NUGGC: variants seen among roughly 807,000 people sequenced by gnomAD.
NUGGC encodes nuclear GTPase SLIP-GC.
In NUGGC, 58 loss-of-function variants were observed where a neutral mutation model predicts 92.6. The ratio of observed to expected loss-of-function variants is 0.63; its 90% CI spans 0.51 to 0.78. The LOEUF (loss-of-function observed/expected upper bound fraction) is 0.78. Ranked by LOEUF, NUGGC falls within the 30% of genes least tolerant of loss-of-function variation. The pLI is 0.00. For synonymous variants in NUGGC, 376 were observed against 366.4 expected (o/e 1.03, Z -0.30); for missense variants, 925 against 964.6 (o/e 0.96, Z 0.54).
Position 28,061,142 on chromosome 8 carries a change from T to C in NUGGC, c.922-541A>G, listed in dbSNP as rs1037350486. Among the ~76,000 whole-genome samples the C allele has an allele frequency of 3.3e-5, 5 of 152,222 alleles. No homozygotes were observed. In the East Asian group the frequency reaches 5.8e-4, roughly 18 times the overall value. ...TTGTCCCCTGGGGAAAATTCTTGTTTTTCCAGAACTAGGTTTGGTGGTGCA... is the reference window on the plus strand; with the variant it reads ...TTGTCCCCTGGGGAAAATTCTTGTTCTTCCAGAACTAGGTTTGGTGGTGCA... On this transcript the variant is annotated intron_variant, in intron 7 of 18. Coordinates refer to ENST00000413272, the MANE Select transcript of NUGGC (RefSeq NM_001010906.2).
intron 2 of NUGGC, among the ~76,000 whole-genome samples, chr8:28,072,813 G>A (rs1465344077): frequency 6.6e-6 from 1 of 151,624 alleles, no homozygotes; most frequent in Non-Finnish European, 1.5e-5. Context: ...TATTATTCTT[G>A]TCCATCGCTC....
At chr8:28,040,887 C>A (rs148164810) in intron 13 of NUGGC, among the ~76,000 whole-genome samples, 164 bp downstream of exon 13, 3,494 of 152,232 alleles carry the variant, frequency 0.023, 124 homozygotes, top group African/African-American at 0.08. Flanking sequence ...CCTTGTGATC[C>A]GCCCACCTCG....
At chr8:28,049,223 G>A (rs1182786082) in intron 10 of NUGGC, among the ~76,000 whole-genome samples, 1 of 152,174 alleles carries the variant, frequency 6.6e-6, no homozygotes, top group Non-Finnish European at 1.5e-5. Context: ...TATCTGTGCA[G>A]ACTGCCAGAA....
Position 28,045,568 on chromosome 8 carries a change from A to T in NUGGC, c.1405T>A (p.Leu469Met). The T allele has an allele frequency of 6.2e-7, 1 of 1,612,924 alleles. No homozygotes were observed. The highest frequency in any genetic ancestry group is 8.5e-7 in the Non-Finnish European group (1 of 1,179,778). ...TKYVTEAFGL[L>M]LLTDSFNSTQ... ...GAGTTGAAACTATCTGTGAGGAGCA[A>T]CAGGCCAAAGGCTTCAGTCACATAC... Residue 469 changes from leucine to methionine, a missense_variant, in exon 12 of 19, where the codon TTG becomes ATG. Leu to Met is a conservative substitution (Grantham distance 15). Transcript: ENST00000413272.
chr8:28,081,345 CG>C (rs1810845053), intron 1 of NUGGC, among the ~76,000 whole-genome samples: 1 of 139,642 alleles, frequency 7.2e-6, no homozygotes, highest in Non-Finnish European at 1.6e-5. Flanking sequence ...AAAAAGAGTT[CG>C]TTGTGAGAAT....
intron 11 of NUGGC, among the ~76,000 whole-genome samples, chr8:28,046,997 T>G (rs544967483): frequency 6.6e-6 from 1 of 151,038 alleles, no homozygotes; most frequent in African/African-American, 2.4e-5. Context: ...TGAGACAGAG[T>G]TTCACTCTTG....
At chr8:28,073,837 C>T (rs889031599) in intron 2 of NUGGC, among the ~76,000 whole-genome samples, 1 of 152,104 alleles carries the variant, frequency 6.6e-6, no homozygotes, top group Non-Finnish European at 1.5e-5. Flanking sequence ...CTCACTCTGT[C>T]GCCCAGGCTG....
At chr8:28,060,348 C>T (rs1563226199) in intron 8 of NUGGC, 78 bp downstream of exon 8, 1 of 1,376,646 alleles carries the variant, frequency 7.3e-7, no homozygotes, top group Non-Finnish European at 1.0e-6. Flanking sequence ...CAAAGTCAAG[C>T]TCCATGCTAC....
intron 12 of NUGGC, among the ~76,000 whole-genome samples, chr8:28,042,037 T>C (rs1270214344): frequency 2.0e-5 from 3 of 152,138 alleles, no homozygotes; most frequent in Non-Finnish European, 2.9e-5. Context: ...TGAATGAGTC[T>C]CATGAGATCT....
rs1809162419 is a variant in NUGGC, at chr8:28,023,218, A to G, written c.*99T>C. The G allele has an allele frequency of 7.4e-7, 1 of 1,348,510 alleles. No individual in the cohort carries two copies. Among genetic ancestry groups the G allele is most frequent in the East Asian group, 2.5e-5 (1 of 39,618 alleles). 83.5% of individuals were successfully genotyped at this position (1,348,510 alleles called of 1,614,324 possible). On this transcript the variant is annotated 3_prime_UTR_variant, in exon 19 of 19. Transcript: ENST00000413272. The stretch of plus-strand genomic sequence containing the variant: ...GTGCCACTGCACTCCAGCCTGGGCA[A>G]CAGAGGTAGATAGATCTTGTCTCTT...
rs772045302 is a variant in NUGGC at position 28,064,509 on chromosome 8, G to GA, written c.921+12dup. On this transcript the variant is annotated intron_variant, in intron 7 of 18. Transcript: ENST00000413272. ...TTAGGGAAGAGAGAACTAAACCTAC[G>GA]AAAGACAGTCACCTTTTTCCACATC... 3.1e-6 allele frequency: 5 copies of GA among 1,612,282 alleles called. No individual in the cohort carries two copies. In the South Asian group the frequency reaches 5.5e-5, roughly 18 times the overall value.
Position 28,047,031 on chromosome 8 carries a change from C to T in NUGGC, c.1312+476G>A, listed in dbSNP as rs753343181. ...TGTTGTCCAGGCTGTAGTGCAATGGCGCAATCTTGGCTCACTGCAACCTCT... is the reference window on the plus strand; with the variant it reads ...TGTTGTCCAGGCTGTAGTGCAATGGTGCAATCTTGGCTCACTGCAACCTCT... On this transcript the variant is annotated intron_variant, in intron 11 of 18. Coordinates refer to ENST00000413272, the MANE Select transcript of NUGGC (RefSeq NM_001010906.2). Among the ~76,000 whole-genome samples, 8 of 148,892 alleles carry T rather than the reference C, an allele frequency of 5.4e-5. 1 individual carries two copies. The highest frequency in any genetic ancestry group is 1.2e-4 in the African/African-American group (5 of 40,248).
At chr8:28,081,877 C>CAA (rs1207659479) in intron 1 of NUGGC, among the ~76,000 whole-genome samples, 34 of 105,462 alleles carry the variant, frequency 3.2e-4, no homozygotes, top group African/African-American at 7.1e-4. Context: ...GACTCCATCT[C>CAA]AAAAAAAAAA....
At chr8:28,082,362 A>T (rs1280010479) in intron 1 of NUGGC, among the ~76,000 whole-genome samples, 1 of 152,238 alleles carries the variant, frequency 6.6e-6, no homozygotes, top group Non-Finnish European at 1.5e-5. Context: ...ACTTTAGCAG[A>T]TTCTAGCGAA....
intron 10 of NUGGC, among the ~76,000 whole-genome samples, chr8:28,048,391 C>T (rs377339565): frequency 6.6e-6 from 1 of 151,936 alleles, no homozygotes; most frequent in Non-Finnish European, 1.5e-5. Flanking sequence ...TGGTACACAT[C>T]AGCCTTTTGG....
At chr8:28,051,140 T>C (rs1042184580) in intron 10 of NUGGC, among the ~76,000 whole-genome samples, 1 of 152,188 alleles carries the variant, frequency 6.6e-6, no homozygotes, top group Non-Finnish European at 1.5e-5. Flanking sequence ...TTATTTTTAA[T>C]GTTATTCTCG....
intron 12 of NUGGC, among the ~76,000 whole-genome samples, chr8:28,042,892 A>T (rs1809735752): frequency 6.6e-6 from 1 of 152,228 alleles, no homozygotes; most frequent in South Asian, 2.1e-4. Context: ...TCTCAACGGT[A>T]TCATCTTTAA....
intron 7 of NUGGC, among the ~76,000 whole-genome samples, chr8:28,063,082 T>C (rs985410914): frequency 3.9e-4 from 59 of 151,666 alleles, no homozygotes; most frequent in African/African-American, 1.4e-3. Context: ...TTCAGGGACA[T>C]CTGAATTCAT....
intron 4 of NUGGC, 81 bp downstream of exon 4, chr8:28,069,463 T>C (rs1182739642): frequency 1.4e-6 from 1 of 715,142 alleles, no homozygotes; most frequent in East Asian, 2.5e-5. Context: ...ATAGTCCCTT[T>C]CCTTGTTGGG....
Sources: gnomAD v4.1 joint callset for allele counts (sites outside exome capture counted in the v4.1 genomes callset) on GRCh38, gnomAD v4.1.1 for gene constraint, MANE v1.5 for transcripts, NCBI Gene and HGNC (gene_info 2026-07-23, HGNC 2026-07-21) for gene names.